Variants in SIK3 observed in about 807,000 individuals in gnomAD.
SIK3 encodes the protein SIK family kinase 3.
In SIK3, 28 loss-of-function variants were observed where a neutral mutation model predicts 144.2. That is an observed-to-expected ratio of 0.19 (90% CI 0.14 to 0.27). The LOEUF (loss-of-function observed/expected upper bound fraction) is 0.27, where lower values mean the gene tolerates loss of function less well. Among genes scored for constraint, SIK3 ranks in the 10% least tolerant of loss-of-function variants. The pLI is 1.00. For synonymous variants in SIK3, 686 were observed against 676.3 expected (o/e 1.01, Z -0.22); for missense variants, 1,319 against 1,776.0 (o/e 0.74, Z 4.62).
chr11:116,908,921 T>A (rs951744633), intron 4 of SIK3, among the ~76,000 whole-genome samples: 1 of 152,214 alleles, frequency 6.6e-6, no homozygotes, highest in Admixed American at 6.5e-5. Context: ...TACACACTAA[T>A]GTTTAAGAGT....
At chr11:117,077,760 C>A (rs1418648208) in intron 1 of SIK3, among the ~76,000 whole-genome samples, 1 of 152,218 alleles carries the variant, frequency 6.6e-6, no homozygotes, top group East Asian at 1.9e-4. Context: ...TCATTTTCTA[C>A]CCAGAGAAAA....
intron 1 of SIK3, among the ~76,000 whole-genome samples, chr11:117,097,332 C>G (rs1405144268): frequency 6.6e-6 from 1 of 152,040 alleles, no homozygotes; most frequent in Non-Finnish European, 1.5e-5. Context: ...CTACAAAGCC[C>G]ACAATTCCCG....
At chr11:116,896,484 A>G (rs892092537) in intron 5 of SIK3, 108 bp from the exon 6 acceptor site, 1 of 1,233,220 alleles carries the variant, frequency 8.1e-7, no homozygotes, top group Non-Finnish European at 1.1e-6. Flanking sequence ...ACGATTATGG[A>G]ACAAACTTTT....
intron 3 of SIK3, among the ~76,000 whole-genome samples, chr11:116,936,422 T>C (rs910775860): frequency 7.2e-5 from 11 of 152,176 alleles, no homozygotes; most frequent in African/African-American, 2.7e-4. Context: ...GTAATGCACC[T>C]ACCTCAGCCT....
At chr11:117,040,033 GT>G (rs1952671539) in intron 1 of SIK3, among the ~76,000 whole-genome samples, 1 of 152,166 alleles carries the variant, frequency 6.6e-6, no homozygotes, top group South Asian at 2.1e-4. Flanking sequence ...CTAGCTAATT[GT>G]TCTTAGTCAC....
chr11:117,082,227 C>G (rs1458642706), intron 1 of SIK3, among the ~76,000 whole-genome samples: 1 of 152,170 alleles, frequency 6.6e-6, no homozygotes, highest in Admixed American at 6.5e-5. Flanking sequence ...TTGGAAGTTG[C>G]TCAAAACCTT....
At chr11:117,031,900 C>G (rs12804122) in intron 1 of SIK3, among the ~76,000 whole-genome samples, 69,135 of 151,686 alleles carry the variant, frequency 0.46, 19,128 homozygotes, top group Non-Finnish European at 0.64. Context: ...GAATGTTATA[C>G]AACTTTGTGA....
chr11:117,092,818 A>G (rs1955306774), intron 1 of SIK3, among the ~76,000 whole-genome samples: 1 of 152,234 alleles, frequency 6.6e-6, no homozygotes, highest in African/African-American at 2.4e-5. Context: ...ACTAGAAAAC[A>G]TTAGCCAGAC....
chr11:117,085,978 G>C (rs1954986670), intron 1 of SIK3, among the ~76,000 whole-genome samples: 1 of 152,164 alleles, frequency 6.6e-6, no homozygotes, highest in African/African-American at 2.4e-5. Flanking sequence ...ACCAAAAAAA[G>C]ATTAATGCAT....
Position 116,963,373 on chromosome 11 carries a change from A to G in SIK3, c.274-6309T>C, listed in dbSNP as rs553975896. Among the ~76,000 whole-genome samples the G allele has an allele frequency of 7.9e-5, 12 of 152,322 alleles. No homozygotes were observed. In the South Asian group the frequency reaches 2.3e-3, roughly 29 times the overall value. On this transcript the variant is annotated intron_variant, in intron 1 of 24. Coordinates refer to ENST00000445177, the MANE Select transcript of SIK3 (RefSeq NM_001366686.3). ...CAAAGAAGTTTTGATTATGTGAGTAATATCTTTCAATATTTGCTTAGAAAT... is the reference window on the plus strand; with the variant it reads ...CAAAGAAGTTTTGATTATGTGAGTAGTATCTTTCAATATTTGCTTAGAAAT...
chr11:116,844,564 A>T lies in SIK3; in HGVS notation c.*1079T>A, dbSNP rs1324690867. On this transcript the variant is annotated 3_prime_UTR_variant, in exon 25 of 25. Coordinates refer to ENST00000445177, the MANE Select transcript of SIK3 (RefSeq NM_001366686.3). ...CCTACACTTCTTCCCTGTGACAAAG[A>T]GGCTGAAAGAGGAGAGCATATATAT... The T allele has an allele frequency of 7.1e-6, 1 of 141,426 alleles. No individual in the cohort carries two copies. The highest frequency in any genetic ancestry group is 1.5e-5 in the Non-Finnish European group (1 of 65,732). 8.8% of individuals were successfully genotyped at this position (141,426 alleles called of 1,614,324 possible).
Position 116,867,519 on chromosome 11 carries a change from C to T in SIK3, c.1952+427G>A, listed in dbSNP as rs1165262697. ...GGCTTTGTCTTCATTTCCAGGCTGG[C>T]GGTTCAATGGTAACACGATATGAAA... is the stretch of plus-strand genomic sequence containing the variant. On this transcript the variant is annotated intron_variant, in intron 15 of 24. Coordinates refer to ENST00000445177, the MANE Select transcript of SIK3 (RefSeq NM_001366686.3). The surrounding 1 kb of genome is among the most constrained non-coding windows in gnomAD (Gnocchi z 4.1). Among the ~76,000 whole-genome samples the T allele has an allele frequency of 1.3e-5, 2 of 152,124 alleles. No homozygotes were observed. Among genetic ancestry groups the T allele is most frequent in the African/African-American group, 2.4e-5 (1 of 41,414 alleles).
Position 116,875,419 on chromosome 11 carries a change from G to T in SIK3, c.1272C>A (p.Ser424Arg), listed in dbSNP as rs139407006. The T allele has an allele frequency of 1.4e-5, 22 of 1,614,166 alleles. No homozygotes were observed. The highest frequency in any genetic ancestry group is 1.9e-5 in the Non-Finnish European group (22 of 1,180,026). Reference sequence around the variant, plus strand: ...GGTTGATCAGCTGCACCTGGGGAACGCTGATGTTCATAGCAGTACCTGCCT... The same window carrying T: ...GGTTGATCAGCTGCACCTGGGGAACTCTGATGTTCATAGCAGTACCTGCCT... Reference protein sequence around the residue: ...AEQAGTAMNISVPQVQLINPE... With the variant: ...AEQAGTAMNIRVPQVQLINPE... The change falls in exon 10 of 25, where the codon AGC (serine) becomes AGA (arginine). Residue 424 changes from serine (S) to arginine (R), a missense_variant. Around this residue, in one of 8 missense-constraint regions of SIK3, gnomAD observed 109 missense variants for 109.3 expected, o/e 1.00. Transcript: ENST00000445177.
intron 1 of SIK3, among the ~76,000 whole-genome samples, chr11:117,013,967 C>CTTTTTTTTTTTTTTTTT (rs1951406146): frequency 4.1e-4 from 3 of 7,374 alleles, no homozygotes; most frequent in Non-Finnish European, 9.9e-4. Flanking sequence ...TTCTTTTTTT[C>CTTTTTTTTTTTTTTTTT]TTTTCTTTTT....
intron 1 of SIK3, among the ~76,000 whole-genome samples, chr11:117,011,924 T>TA (rs1951277823): frequency 6.6e-6 from 1 of 151,978 alleles, no homozygotes; most frequent in East Asian, 1.9e-4. Context: ...AATAAATACA[T>TA]AAAGTTTCCT....
Position 117,020,246 on chromosome 11 carries a change from T to TATATATATATATATATATATACAC in SIK3, c.274-63183_274-63182insGTGTATATATATATATATATATAT. ...GTATGTGTATATGTGCATATATATA[T>TATATATATATATATATATATACAC]ACACATACATATATCTCCATGGTTC... is the stretch of plus-strand genomic sequence containing the variant. On this transcript the variant is annotated intron_variant, in intron 1 of 24. Transcript: ENST00000445177. 1.7e-3 allele frequency among the ~76,000 whole-genome samples: 218 copies of TATATATATATATATATATATACAC among 127,294 alleles called. 8 individuals are homozygous for TATATATATATATATATATATACAC. The highest frequency in any genetic ancestry group is 7.3e-3 in the African/African-American group (209 of 28,816). 83.5% of individuals were successfully genotyped at this position (127,294 alleles called of 152,430 possible).
intron 1 of SIK3, among the ~76,000 whole-genome samples, chr11:116,993,993 T>G (rs1034528495): frequency 2.6e-5 from 4 of 152,212 alleles, no homozygotes; most frequent in Non-Finnish European, 5.9e-5. Flanking sequence ...AGAGCTTTTG[T>G]TGGCTTAGCA....
chr11:117,010,542 G>A (rs991783151), intron 1 of SIK3, among the ~76,000 whole-genome samples: 1 of 152,072 alleles, frequency 6.6e-6, no homozygotes, highest in Non-Finnish European at 1.5e-5. Context: ...GGTTGTGTCA[G>A]TTTACTGTGG....
At chr11:116,899,794 A>T (rs1945641261) in intron 4 of SIK3, among the ~76,000 whole-genome samples, 1 of 152,094 alleles carries the variant, frequency 6.6e-6, no homozygotes, top group Non-Finnish European at 1.5e-5. Context: ...CAGGCTAGAA[A>T]TCCCTCATGC....
Sources: gnomAD v4.1 joint callset for allele counts (sites outside exome capture counted in the v4.1 genomes callset) on GRCh38, gnomAD v4.1.1 for gene constraint, gnomAD v4.1.1 regional missense constraint, Gnocchi (gnomAD v3.1) non-coding constraint, MANE v1.5 for transcripts, NCBI Gene and HGNC (gene_info 2026-07-23, HGNC 2026-07-21) for gene names.